Variants in KCNIP1 observed in about 807,000 individuals in gnomAD.
KCNIP1 encodes A-type potassium channel modulatory protein KCNIP1.
A neutral mutation model predicts 33.0 loss-of-function variants in KCNIP1; 18 were observed. That is an observed-to-expected ratio of 0.55 (90% confidence interval 0.38 to 0.81). KCNIP1 has a LOEUF of 0.81. Ranked by LOEUF, KCNIP1 falls within the 30% of genes least tolerant of loss-of-function variation. The pLI, the probability that KCNIP1 is intolerant of heterozygous loss-of-function variation, is 0.00. For synonymous variants in KCNIP1, 93 were observed against 98.3 expected, an observed-to-expected ratio of 0.95 and a Z score of 0.32; for missense variants, 238 against 271.6, an observed-to-expected ratio of 0.88 and a Z score of 0.87.
At chr5:170,571,190 A>C (rs1757394266) in intron 1 of KCNIP1, among the ~76,000 whole-genome samples, 1 of 151,986 alleles carries the variant, frequency 6.6e-6, no homozygotes, top group African/African-American at 2.4e-5. Flanking sequence ...CTTCCCCCAC[A>C]TTGTCTTTTG....
chr5:170,716,798 C>T (rs548229371), intron 1 of KCNIP1, among the ~76,000 whole-genome samples: 1 of 152,298 alleles, frequency 6.6e-6, no homozygotes, highest in African/African-American at 2.4e-5. Context: ...ATTTCCCGAG[C>T]TTGTGAGGAA....
chr5:170,503,384 A>C (rs1295086727), upstream of KCNIP1, among the ~76,000 whole-genome samples: 4 of 123,900 alleles, frequency 3.2e-5, no homozygotes, highest in Admixed American at 1.8e-4. Context: ...ACAGAGCGAG[A>C]CTCCGTCTCA....
At chr5:170,618,970 C>T (rs1581405260) in intron 1 of KCNIP1, among the ~76,000 whole-genome samples, 1 of 152,126 alleles carries the variant, frequency 6.6e-6, no homozygotes, top group South Asian at 2.1e-4. Flanking sequence ...CTCCCAAGCT[C>T]TCAGAGCTTT....
intron 1 of KCNIP1, chr5:170,382,538 A>G (rs1764282882): frequency 6.6e-6 from 1 of 152,082 alleles, no homozygotes; most frequent in Non-Finnish European, 1.5e-5. Flanking sequence ...GTCTCCACCT[A>G]GCCCTTCCCT....
intron 1 of KCNIP1, among the ~76,000 whole-genome samples, chr5:170,373,806 A>C (rs544786807): frequency 1.3e-5 from 2 of 152,358 alleles, no homozygotes; most frequent in African/African-American, 4.8e-5. Context: ...GAAAAAGGCA[A>C]ATAATGTCTT....
chr5:170,465,715 G>C (rs941320098), intron 1 of KCNIP1, among the ~76,000 whole-genome samples: 5 of 152,158 alleles, frequency 3.3e-5, no homozygotes, highest in African/African-American at 7.2e-5. Flanking sequence ...ACCTTATCTG[G>C]GTCCGGAGGG....
intron 1 of KCNIP1, among the ~76,000 whole-genome samples, chr5:170,648,135 GGTGAGAAT>G (rs1487087321): frequency 6.6e-6 from 1 of 152,184 alleles, no homozygotes; most frequent in African/African-American, 2.4e-5. Context: ...ACAAAATGTA[GGTGAGAAT>G]GTGGAGAAAC....
intron 1 of KCNIP1, among the ~76,000 whole-genome samples, chr5:170,452,409 A>G (rs1221883127): frequency 6.6e-6 from 1 of 152,202 alleles, no homozygotes; most frequent in East Asian, 1.9e-4. Context: ...GAAGGTAGCC[A>G]TGGGCACCTC....
chr5:170,390,201 A>G (rs1474937228), intron 1 of KCNIP1, among the ~76,000 whole-genome samples: 1 of 152,154 alleles, frequency 6.6e-6, no homozygotes, highest in African/African-American at 2.4e-5. Context: ...AAGTGGAAGT[A>G]AGGATTAAAA....
chr5:170,518,098 G>A (rs1755218028), intron 1 of KCNIP1, among the ~76,000 whole-genome samples: 1 of 152,060 alleles, frequency 6.6e-6, no homozygotes, highest in Admixed American at 6.5e-5. Flanking sequence ...GGTAGTGATA[G>A]TTGTGATGAA....
At chr5:170,520,422 T>C (rs1312655669) in intron 1 of KCNIP1, among the ~76,000 whole-genome samples, 1 of 152,202 alleles carries the variant, frequency 6.6e-6, no homozygotes, top group African/African-American at 2.4e-5. Flanking sequence ...GGAAAGCTGT[T>C]TCCTTCAGTT....
At chr5:170,662,653 T>C (rs1044628894) in intron 1 of KCNIP1, among the ~76,000 whole-genome samples, 1 of 152,212 alleles carries the variant, frequency 6.6e-6, no homozygotes, top group African/African-American at 2.4e-5. Context: ...TCTCAAAGCC[T>C]ACTTAAGAGC....
chr5:170,428,964 C>T (rs978364087), intron 1 of KCNIP1, among the ~76,000 whole-genome samples: 3 of 152,038 alleles, frequency 2.0e-5, no homozygotes, highest in Admixed American at 1.3e-4. Context: ...CCTTTCCCAT[C>T]GTATGATAGC....
intron 1 of KCNIP1, chr5:170,486,012 A>G (rs1581234917): frequency 1.3e-5 from 2 of 152,392 alleles, no homozygotes; most frequent in South Asian, 2.1e-4. Context: ...AGATGAGGAC[A>G]TTACCTTTCT....
intron 1 of KCNIP1, among the ~76,000 whole-genome samples, chr5:170,368,509 C>T (rs368447626): frequency 7.9e-5 from 12 of 152,166 alleles, no homozygotes; most frequent in African/African-American, 2.9e-4. Context: ...GTGATCCGCC[C>T]GCCTCAGCCT....
upstream of KCNIP1, among the ~76,000 whole-genome samples, chr5:170,500,338 G>A (rs149085240): frequency 3.7e-3 from 570 of 152,254 alleles, 3 homozygotes; most frequent in African/African-American, 0.012. Flanking sequence ...AGTCCACACC[G>A]GGGTGCATGA....
At chr5:170,385,462 G>A (rs1764430588) in intron 1 of KCNIP1, 24 of 1,614,018 alleles carry the variant, frequency 1.5e-5, no homozygotes, top group Non-Finnish European at 1.9e-5. Flanking sequence ...ACTGGGGGCA[G>A]TGATCATTTC....
chr5:170,601,440 T>C (rs928958721), intron 1 of KCNIP1, among the ~76,000 whole-genome samples: 5 of 152,208 alleles, frequency 3.3e-5, no homozygotes, highest in Non-Finnish European at 5.9e-5. Flanking sequence ...GCTTCTGCTT[T>C]GTCCCGAAAA....
At chr5:170,550,558 A>G (rs1279939999) in intron 1 of KCNIP1, among the ~76,000 whole-genome samples, 1 of 150,784 alleles carries the variant, frequency 6.6e-6, no homozygotes, top group Non-Finnish European at 1.5e-5. Context: ...GGTGATGACA[A>G]TGATGGTGAT....
Sources: gnomAD v4.1 joint callset for allele counts (sites outside exome capture counted in the v4.1 genomes callset) on GRCh38, gnomAD v4.1.1 for gene constraint, MANE v1.5 for transcripts, NCBI Gene and HGNC (gene_info 2026-07-23, HGNC 2026-07-21) for gene names.